The following SLC28A3 variants were observed in gnomAD, a reference collection of about 807,000 sequenced individuals.
SLC28A3 encodes solute carrier family 28 member 3.
A neutral mutation model predicts 84.2 loss-of-function variants in SLC28A3; 68 were observed. That is an observed-to-expected ratio of 0.81 (90% CI 0.66 to 0.99). SLC28A3 has a LOEUF of 0.99. SLC28A3 is among the 50% of genes least tolerant of loss of function. The pLI, the probability that SLC28A3 is intolerant of heterozygous loss-of-function variation, is 0.00. For synonymous variants in SLC28A3, 267 were observed against 303.6 expected (o/e 0.88, Z 1.25); for missense variants, 712 against 841.5 (o/e 0.85, Z 1.90).
At chr9:84,368,236 A>C in the SLC28A3 span, among the ~76,000 whole-genome samples, 5 of 152,214 alleles carry the variant, frequency 3.3e-5, no homozygotes, top group East Asian at 7.7e-4. Flanking sequence ...TTAACAAAGC[A>C]CATCCTGCAC....
At position 84,340,544 on chromosome 9, in the gene SLC28A3, C is replaced by T. The variant is rs141841321; in HGVS notation, c.60+30G>A. The T allele has an allele frequency of 1.8e-4, 294 of 1,612,748 alleles. 1 individual carries two copies. The Middle Eastern group carries it at 4.5e-3, about 24-fold the overall frequency. On this transcript the variant is annotated intron_variant, in intron 1 of 17. Transcript: ENST00000376238. Reference sequence around the variant, plus strand: ...GAAAGGGCAGCTTTTCCACTGAAGGCCTTTAACATAAGAGGAAAGCTCTGC... The same window carrying T: ...GAAAGGGCAGCTTTTCCACTGAAGGTCTTTAACATAAGAGGAAAGCTCTGC...
chr9:84,347,533 T>C, the SLC28A3 span, among the ~76,000 whole-genome samples: 4 of 152,100 alleles, frequency 2.6e-5, no homozygotes, highest in African/African-American at 9.7e-5. Context: ...GCTCACTCTA[T>C]TAGTGAGGAA....
the SLC28A3 span, among the ~76,000 whole-genome samples, chr9:84,365,728 C>T: frequency 1.3e-5 from 2 of 152,066 alleles, no homozygotes; most frequent in African/African-American, 4.8e-5. Context: ...TATTCTTTTA[C>T]TGTCTCTGTA....
In SLC28A3 at chr9:84,279,087, T is replaced by A. The variant is rs565189582; in HGVS notation, c.1949+178A>T. Among the ~76,000 whole-genome samples the A allele has an allele frequency of 2.0e-4, 30 of 149,720 alleles. No individual in the cohort carries two copies. The South Asian group carries it at 6.3e-3, about 31-fold the overall frequency. Reference sequence around the variant, plus strand: ...CATAAGTTCTTACTTTTAAATAGAGTCATAAAGTTATAAAATTAAGTCGAT... The same window carrying A: ...CATAAGTTCTTACTTTTAAATAGAGACATAAAGTTATAAAATTAAGTCGAT... On this transcript the variant is annotated intron_variant, in intron 17 of 17. Transcript: ENST00000376238.
intron 9 of SLC28A3, 27 bp from the exon 10 acceptor site, chr9:84,292,775 G>A: frequency 6.6e-7 from 1 of 1,508,530 alleles, no homozygotes; most frequent in Non-Finnish European, 8.9e-7. Flanking sequence ...GACAAAGTCA[G>A]CAAAGAACTT....
At chr9:84,333,780 C>G (rs998186126) in intron 1 of SLC28A3, among the ~76,000 whole-genome samples, 1 of 152,192 alleles carries the variant, frequency 6.6e-6, no homozygotes, top group Non-Finnish European at 1.5e-5. Flanking sequence ...AGTGGCCTAG[C>G]AATTCCACTC....
the SLC28A3 span, among the ~76,000 whole-genome samples, chr9:84,352,360 T>C: frequency 6.6e-6 from 1 of 151,924 alleles, no homozygotes; most frequent in African/African-American, 2.4e-5. Flanking sequence ...ATTTTTTGTA[T>C]TTTTAGTAGA....
chr9:84,326,207 AG>A (rs1826542430), intron 1 of SLC28A3, among the ~76,000 whole-genome samples: 2 of 152,116 alleles, frequency 1.3e-5, no homozygotes, highest in African/African-American at 4.8e-5. Flanking sequence ...CTGACTAATA[AG>A]AGCTCAGGAA....
the SLC28A3 span, among the ~76,000 whole-genome samples, chr9:84,354,623 A>G: frequency 3.3e-5 from 5 of 152,234 alleles, no homozygotes; most frequent in African/African-American, 1.2e-4. Context: ...TGCGGCAGGC[A>G]GATGGCTTGA....
intron 1 of SLC28A3, among the ~76,000 whole-genome samples, chr9:84,339,928 A>G (rs185553976): frequency 6.6e-6 from 1 of 152,296 alleles, no homozygotes; most frequent in African/African-American, 2.4e-5. Context: ...CAGGCTTCCC[A>G]TCTTCTCCAG....
the SLC28A3 span, among the ~76,000 whole-genome samples, chr9:84,356,556 G>A: frequency 6.6e-6 from 1 of 152,154 alleles, no homozygotes; most frequent in Non-Finnish European, 1.5e-5. Context: ...ATGAGGCCGG[G>A]CAAGGTGGCT....
chr9:84,297,611 G>A (rs1341684984), intron 7 of SLC28A3, among the ~76,000 whole-genome samples: 1 of 152,208 alleles, frequency 6.6e-6, no homozygotes, highest in African/African-American at 2.4e-5. Flanking sequence ...TGGATGCAAA[G>A]GAAGCCTGTT....
upstream of SLC28A3, among the ~76,000 whole-genome samples, chr9:84,343,871 G>A (rs1220713446): frequency 1.3e-5 from 2 of 152,126 alleles, no homozygotes; most frequent in African/African-American, 2.4e-5. Context: ...TGGGAGAATC[G>A]CTTGAGCCCA....
intron 1 of SLC28A3, among the ~76,000 whole-genome samples, chr9:84,334,497 G>A (rs936668354): frequency 1.3e-5 from 2 of 152,188 alleles, no homozygotes; most frequent in Non-Finnish European, 2.9e-5. Flanking sequence ...AAGGGAGGCA[G>A]CAGTGATGAA....
At chr9:84,350,464 A>AAATG in the SLC28A3 span, among the ~76,000 whole-genome samples, 1 of 151,814 alleles carries the variant, frequency 6.6e-6, no homozygotes. Flanking sequence ...ATAAATAAAT[A>AAATG]AATAGGTATA....
intron 1 of SLC28A3, among the ~76,000 whole-genome samples, chr9:84,330,422 A>G (rs568946331): frequency 6.6e-6 from 1 of 152,204 alleles, no homozygotes; most frequent in Non-Finnish European, 1.5e-5. Flanking sequence ...GTGTGTGTGT[A>G]TGAACTCTAA....
At chr9:84,280,162 C>T (rs1161204357) in intron 15 of SLC28A3, 89 bp from the exon 16 acceptor site, 2 of 1,201,126 alleles carry the variant, frequency 1.7e-6, no homozygotes, top group African/African-American at 1.6e-5. Flanking sequence ...AGGCTGGGCT[C>T]AGGTCAGCTG....
intron 9 of SLC28A3, among the ~76,000 whole-genome samples, chr9:84,293,814 G>A (rs1825320767): frequency 6.6e-6 from 1 of 152,088 alleles, no homozygotes; most frequent in Non-Finnish European, 1.5e-5. Context: ...ACCTCCTTAA[G>A]CAAGGTAGCA....
At chr9:84,363,792 G>T in the SLC28A3 span, among the ~76,000 whole-genome samples, 2 of 151,962 alleles carry the variant, frequency 1.3e-5, no homozygotes, top group South Asian at 2.1e-4. Flanking sequence ...GTCTCACTAT[G>T]TTGCCCAGGC....
Sources: gnomAD v4.1 joint callset for allele counts (sites outside exome capture counted in the v4.1 genomes callset) on GRCh38, gnomAD v4.1.1 for gene constraint, MANE v1.5 for transcripts, NCBI Gene and HGNC (gene_info 2026-07-23, HGNC 2026-07-21) for gene names.